Variants in MAF observed in about 807,000 individuals in gnomAD.
MAF encodes the protein transcription factor Maf.
Under a neutral mutation model 22.0 loss-of-function variants are expected in MAF, and 10 were observed. The ratio of observed to expected loss-of-function variants is 0.45; its 90% CI spans 0.28 to 0.77. The LOEUF (loss-of-function observed/expected upper bound fraction) is 0.77. Among genes scored for constraint, MAF ranks in the 30% least tolerant of loss-of-function variants. The probability of loss-of-function intolerance (pLI) is 0.12; values close to 1 mark genes in which losing one functional copy is unlikely to be tolerated. For missense variants in MAF, 544 were observed against 548.4 expected (o/e 0.99, Z 0.08); for synonymous variants, 337 against 255.8 (o/e 1.32, Z -3.03).
the MAF span, among the ~76,000 whole-genome samples, chr16:79,481,388 C>T: frequency 1.0e-3 from 152 of 152,242 alleles, no homozygotes; most frequent in South Asian, 0.024. Context: ...ACCACCACAA[C>T]TGCAAACCAC....
the MAF span, among the ~76,000 whole-genome samples, chr16:79,374,435 C>A: frequency 6.6e-6 from 1 of 152,220 alleles, no homozygotes; most frequent in Non-Finnish European, 1.5e-5. Flanking sequence ...GTTCCCTCCC[C>A]TACATTTCTC....
the MAF span, among the ~76,000 whole-genome samples, chr16:79,369,781 G>A: frequency 1.3e-5 from 2 of 152,246 alleles, no homozygotes; most frequent in African/African-American, 4.8e-5. Context: ...TCAAGGCTTG[G>A]CATGCAGTGG....
chr16:79,210,071 C>G, the MAF span, among the ~76,000 whole-genome samples: 2 of 152,174 alleles, frequency 1.3e-5, no homozygotes, highest in African/African-American at 2.4e-5. Flanking sequence ...ACCAGTGGAA[C>G]TTGTCCAGTA....
chr16:79,223,530 G>A, the MAF span, among the ~76,000 whole-genome samples: 102 of 152,198 alleles, frequency 6.7e-4, 2 homozygotes, highest in African/African-American at 2.3e-3. Context: ...AACTGAAGGA[G>A]ATAGAGACAC....
the MAF span, among the ~76,000 whole-genome samples, chr16:79,268,174 G>A: frequency 1.8e-4 from 28 of 152,232 alleles, no homozygotes; most frequent in African/African-American, 5.5e-4. Flanking sequence ...CATGGGGTGT[G>A]GACATGAGCT....
chr16:79,555,617 A>C, the MAF span, among the ~76,000 whole-genome samples: 1 of 152,236 alleles, frequency 6.6e-6, no homozygotes, highest in Non-Finnish European at 1.5e-5. Flanking sequence ...AAAATGCTCC[A>C]AAACTGAAGT....
At chr16:79,290,719 C>A in the MAF span, among the ~76,000 whole-genome samples, 1 of 152,080 alleles carries the variant, frequency 6.6e-6, no homozygotes, top group Admixed American at 6.5e-5. Context: ...GCAACAGCTT[C>A]CAATGATGCC....
the MAF span, among the ~76,000 whole-genome samples, chr16:79,441,825 C>G: frequency 2.0e-5 from 3 of 152,138 alleles, no homozygotes; most frequent in African/African-American, 7.2e-5. Context: ...GTAAATAGAG[C>G]CTTCACATGT....
At chr16:79,249,914 G>A in the MAF span, among the ~76,000 whole-genome samples, 2 of 152,158 alleles carry the variant, frequency 1.3e-5, no homozygotes, top group Admixed American at 6.5e-5. Context: ...AGTGCCTGAT[G>A]CAAAGCAGGT....
chr16:79,312,820 C>T, the MAF span, among the ~76,000 whole-genome samples: 104 of 152,248 alleles, frequency 6.8e-4, no homozygotes, highest in South Asian at 1.2e-3. Flanking sequence ...AGATTGTCTT[C>T]GGCTACATAT....
intron 1 of MAF, chr16:79,596,040 T>C: frequency 1.9e-6 from 2 of 1,061,370 alleles, no homozygotes; most frequent in Non-Finnish European, 1.1e-6. Flanking sequence ...TAGTCAACTT[T>C]AGTGAAAAGG....
At chr16:79,407,078 G>A in the MAF span, among the ~76,000 whole-genome samples, 1 of 152,316 alleles carries the variant, frequency 6.6e-6, no homozygotes, top group African/African-American at 2.4e-5. Flanking sequence ...GCTAATATGC[G>A]AGGTTGGCAC....
At chr16:79,520,049 C>T in the MAF span, among the ~76,000 whole-genome samples, 56 of 152,176 alleles carry the variant, frequency 3.7e-4, no homozygotes, top group African/African-American at 1.2e-4. Context: ...TGCTGACACA[C>T]GTTGGGTCAA....
the MAF span, among the ~76,000 whole-genome samples, chr16:79,569,574 C>T: frequency 3.3e-5 from 5 of 152,170 alleles, no homozygotes; most frequent in Admixed American, 1.3e-4. Flanking sequence ...CTGCCTGAAT[C>T]GGAAACTCGG....
the MAF span, among the ~76,000 whole-genome samples, chr16:79,545,116 A>G: frequency 6.6e-6 from 1 of 152,180 alleles, no homozygotes; most frequent in Non-Finnish European, 1.5e-5. Context: ...CTCCTGGAAT[A>G]TTAAATAGAT....
the MAF span, among the ~76,000 whole-genome samples, chr16:79,440,165 T>C: frequency 6.6e-6 from 1 of 152,184 alleles, no homozygotes; most frequent in African/African-American, 2.4e-5. Flanking sequence ...AAGCAATAGA[T>C]GGTGTGTTTC....
chr16:79,222,218 T>A, the MAF span, among the ~76,000 whole-genome samples: 3 of 152,170 alleles, frequency 2.0e-5, no homozygotes, highest in Non-Finnish European at 4.4e-5. Context: ...CAACCCAGGA[T>A]TTCATATCCA....
At chr16:79,286,622 T>C in the MAF span, among the ~76,000 whole-genome samples, 1 of 152,200 alleles carries the variant, frequency 6.6e-6, no homozygotes, top group Non-Finnish European at 1.5e-5. Context: ...GACACATCTA[T>C]TGAAATATCT....
the MAF span, among the ~76,000 whole-genome samples, chr16:79,419,471 T>C: frequency 6.6e-6 from 1 of 152,202 alleles, no homozygotes; most frequent in Non-Finnish European, 1.5e-5. Context: ...GCCTTACAGT[T>C]TCCATGCCGA....
Sources: allele counts gnomAD v4.1 joint callset (sites outside exome capture counted in the v4.1 genomes callset), GRCh38; gene constraint gnomAD v4.1.1; transcripts MANE v1.5; gene names NCBI Gene and HGNC (gene_info 2026-07-23, HGNC 2026-07-21).